IGSF10: variants seen among roughly 807,000 people sequenced by gnomAD.
IGSF10 encodes the protein immunoglobulin superfamily member 10.
IGSF10 carries 126 observed loss-of-function variants against 128.2 expected under a neutral mutation model. That is an observed-to-expected ratio of 0.98 (90% CI 0.85 to 1.14). IGSF10 has a LOEUF of 1.14. Ranked by LOEUF, IGSF10 falls within the 50% of genes most tolerant of loss-of-function variation. The pLI is 0.00. For missense variants in IGSF10, 3,295 were observed against 3,149.8 expected (o/e 1.05, Z -1.10); for synonymous variants, 1,185 against 1,146.2 (o/e 1.03, Z -0.68).
At chr3:151,460,736 T>A (rs1386675367) in intron 1 of IGSF10, among the ~76,000 whole-genome samples, 1 of 151,834 alleles carries the variant, frequency 6.6e-6, no homozygotes, top group African/African-American at 2.4e-5. Flanking sequence ...AGTGTGTGTT[T>A]TTTTTTTTTG....
the IGSF10 span, among the ~76,000 whole-genome samples, chr3:151,562,609 G>A: frequency 6.6e-6 from 1 of 152,060 alleles, no homozygotes; most frequent in Non-Finnish European, 1.5e-5. Flanking sequence ...TTTTAAGGAA[G>A]TACCTTCTAA....
At chr3:151,581,044 T>A in the IGSF10 span, among the ~76,000 whole-genome samples, 2 of 152,292 alleles carry the variant, frequency 1.3e-5, no homozygotes, top group East Asian at 3.9e-4. Context: ...TTTTGTTGTA[T>A]AATCTTTCTT....
chr3:151,440,792 G>A (rs1369854661), intron 7 of IGSF10: 1 of 355,852 alleles, frequency 2.8e-6, no homozygotes, highest in African/African-American at 2.1e-5. Flanking sequence ...GAATTTTCCG[G>A]ATTAAAGGTT....
At chr3:151,604,626 CAT>C in the IGSF10 span, among the ~76,000 whole-genome samples, 60 of 121,540 alleles carry the variant, frequency 4.9e-4, 1 homozygote, top group East Asian at 4.5e-3. Context: ...CACACACACA[CAT>C]ATATATATAT....
the IGSF10 span, among the ~76,000 whole-genome samples, chr3:151,544,903 G>A: frequency 1.9e-4 from 29 of 151,688 alleles, no homozygotes; most frequent in Admixed American, 1.8e-3. Context: ...TTTAGCTATT[G>A]GGTCTTCTAT....
chr3:151,548,322 A>C, the IGSF10 span, among the ~76,000 whole-genome samples: 51 of 152,282 alleles, frequency 3.3e-4, no homozygotes, highest in East Asian at 4.1e-3. Flanking sequence ...CCAGCATCAA[A>C]TGCTAAATAT....
chr3:151,507,375 T>C, the IGSF10 span, among the ~76,000 whole-genome samples: 1 of 152,200 alleles, frequency 6.6e-6, no homozygotes, highest in African/African-American at 2.4e-5. Context: ...TTTCCAGTAA[T>C]TTAAAATCTT....
rs371437973 is a variant in IGSF10 at position 151,438,507 on chromosome 3, T to C, written c.6054A>G (p.Ala2018=). The C allele has an allele frequency of 8.1e-6, 13 of 1,613,994 alleles. No homozygotes were observed. Among genetic ancestry groups the C allele is most frequent in the Non-Finnish European group, 9.3e-6 (11 of 1,180,030 alleles). ...EKDSGVYLCV[A]RNKMGDDLIL... Reference sequence around the variant, plus strand: ...TCAGATCATCCCCCATTTTGTTTCTTGCCACACACAAGTAGACACCACTGT... The same window carrying C: ...TCAGATCATCCCCCATTTTGTTTCTCGCCACACACAAGTAGACACCACTGT... Residue 2018 remains alanine, a synonymous_variant, in exon 8 of 8, where the codon GCA becomes GCG. Coordinates refer to ENST00000282466, the MANE Select transcript of IGSF10 (RefSeq NM_178822.5).
chr3:151,543,883 C>A, the IGSF10 span, among the ~76,000 whole-genome samples: 1 of 152,114 alleles, frequency 6.6e-6, no homozygotes, highest in Non-Finnish European at 1.5e-5. Context: ...CAACTCCCTA[C>A]CCCTAAGTGC....
chr3:151,558,186 T>A, the IGSF10 span, among the ~76,000 whole-genome samples: 7 of 149,956 alleles, frequency 4.7e-5, no homozygotes, highest in African/African-American at 1.7e-4. Flanking sequence ...TGGCAAAGTT[T>A]CATTTAAAAG....
chr3:151,545,660 G>C, the IGSF10 span, among the ~76,000 whole-genome samples: 346 of 152,218 alleles, frequency 2.3e-3, no homozygotes, highest in African/African-American at 8.2e-3. Context: ...GTCAAGAACC[G>C]GCCTTCCATC....
chr3:151,451,658 T>C (rs139447062), intron 5 of IGSF10, among the ~76,000 whole-genome samples: 36 of 152,364 alleles, frequency 2.4e-4, no homozygotes, highest in African/African-American at 8.2e-4. Flanking sequence ...TATCACAGCT[T>C]GTATACCTAT....
chr3:151,435,431 T>TAA (rs1553825986), downstream of IGSF10: 2 of 151,808 alleles, frequency 1.3e-5, no homozygotes, highest in East Asian at 2.0e-4. Context: ...ACATCAGACA[T>TAA]AAGTTGCAAC....
chr3:151,540,941 C>T, the IGSF10 span, among the ~76,000 whole-genome samples: 2 of 152,130 alleles, frequency 1.3e-5, no homozygotes, highest in Non-Finnish European at 2.9e-5. Flanking sequence ...CTGTTGAACC[C>T]TGAACAACCA....
At chr3:151,453,801 T>C in intron 4 of IGSF10, 27 bp from the exon 5 acceptor site, 1 of 1,384,948 alleles carries the variant, frequency 7.2e-7, no homozygotes, top group South Asian at 1.5e-5. Flanking sequence ...AGAACATATT[T>C]ATGTTGTCAA....
At chr3:151,460,810 T>C in intron 1 of IGSF10, 136 bp downstream of exon 1, 1 of 504,386 alleles carries the variant, frequency 2.0e-6, no homozygotes, top group Non-Finnish European at 2.6e-6. Context: ...CGGGTGCGTC[T>C]TCCCTCCCCC....
chr3:151,555,801 C>T, the IGSF10 span, among the ~76,000 whole-genome samples: 3 of 152,132 alleles, frequency 2.0e-5, no homozygotes, highest in Non-Finnish European at 2.9e-5. Flanking sequence ...GGATAGAGCA[C>T]GCAGCCCCCC....
the IGSF10 span, among the ~76,000 whole-genome samples, chr3:151,534,801 A>ATATGTG: frequency 6.7e-6 from 1 of 149,078 alleles, no homozygotes; most frequent in Admixed American, 6.7e-5. Flanking sequence ...TTTAAAGTGT[A>ATATGTG]TGTGTGTGTG....
At position 151,445,374 on chromosome 3, in the gene IGSF10, A is replaced by G. The variant is rs138084379; in HGVS notation, c.4607T>C (p.Ile1536Thr). The change falls in exon 6 of 8, where the codon ATT becomes ACT. Residue 1536 changes from isoleucine to threonine, a missense_variant. Physicochemically the swap from Ile to Thr is moderately conservative, Grantham distance 89. Transcript: ENST00000282466. ...AGAGTAGATGAAGTGAGTGGTTCCA[A>G]TTGTGAACTTGGCATTTGGGTGAAC... ...PKVHPNAKFT[I>T]GTTHFIYSNL... is the part of the protein sequence containing the mutation. 1,717 of 1,614,200 alleles carry G rather than the reference A, an allele frequency of 1.1e-3. 11 individuals are homozygous for G. Among genetic ancestry groups the G allele is most frequent in the East Asian group, 6.9e-3 (311 of 44,888 alleles).
Sources: gnomAD v4.1 joint callset for allele counts (sites outside exome capture counted in the v4.1 genomes callset) on GRCh38, gnomAD v4.1.1 for gene constraint, MANE v1.5 for transcripts, NCBI Gene and HGNC (gene_info 2026-07-23, HGNC 2026-07-21) for gene names.